Variants in CES4A observed in about 807,000 individuals in gnomAD.
CES4A encodes carboxylesterase 6.
CES4A carries 48 observed loss-of-function variants against 65.4 expected under a neutral mutation model. That is an observed-to-expected ratio of 0.73 (90% CI 0.58 to 0.93). CES4A has a LOEUF of 0.93. CES4A is among the 40% of genes least tolerant of loss of function. The probability of loss-of-function intolerance (pLI) is 0.00; values close to 1 mark genes in which losing one functional copy is unlikely to be tolerated. For missense variants in CES4A, 685 were observed against 728.5 expected, an observed-to-expected ratio of 0.94 and a Z score of 0.69; for synonymous variants, 247 against 281.8, an observed-to-expected ratio of 0.88 and a Z score of 1.24.
intron 2 of CES4A, among the ~76,000 whole-genome samples, chr16:66,996,904 A>C (rs903406478): frequency 3.9e-5 from 6 of 152,134 alleles, no homozygotes; most frequent in Admixed American, 3.3e-4. Flanking sequence ...AAATTTTAAA[A>C]AAATATCTGG....
exon 1 of CES4A, chr16:66,988,814 G>A: frequency 1.3e-6 from 2 of 1,568,270 alleles, no homozygotes; most frequent in Non-Finnish European, 1.7e-6. Flanking sequence ...TCTGCCTGAT[G>A]GCGCAGACGG....
chr16:66,997,410 T>C (rs565666716), intron 2 of CES4A, among the ~76,000 whole-genome samples: 1 of 152,100 alleles, frequency 6.6e-6, no homozygotes, highest in East Asian at 1.9e-4. Context: ...GGGGTGGTGG[T>C]TGGGGTGGGC....
chr16:66,988,759 G>A (rs1964147055), exon 1 of CES4A: 8 of 1,559,966 alleles, frequency 5.1e-6, no homozygotes, highest in Non-Finnish European at 6.1e-6. Context: ...CCCACAGCAG[G>A]AGCTGGCTGG....
intron 2 of CES4A, among the ~76,000 whole-genome samples, chr16:66,997,699 A>T (rs938831790): frequency 6.6e-6 from 1 of 152,146 alleles, no homozygotes; most frequent in African/African-American, 2.4e-5. Context: ...AGCCAGGAGC[A>T]GTGGCTCATG....
In CES4A at chr16:67,000,870, T is replaced by TC; in HGVS notation, c.419dup (p.Gly142ArgfsTer15). The TC allele has an allele frequency of 4.4e-6, 7 of 1,600,668 alleles. No individual in the cohort carries two copies. The highest frequency in any genetic ancestry group is 6.0e-6 in the Non-Finnish European group (7 of 1,173,772). ...TTCTTCGTCCAGGTGATGGTCTGGT[T>TC]CCCGGGAGGCGCCTTCATCGTGGGC... On this transcript the variant is annotated frameshift_variant, in exon 4 of 14. Coordinates refer to ENST00000648724, the Ensembl canonical transcript of CES4A. LOFTEE classifies it high-confidence loss of function. This position sits in a 1 kb window ranked among gnomAD's most constrained non-coding sequence, Gnocchi z 4.2.
exon 14 of CES4A, chr16:67,009,334 C>A: frequency 1.8e-6 from 1 of 544,774 alleles, no homozygotes; most frequent in Non-Finnish European, 3.2e-6. Context: ...CCCTTTCCAG[C>A]CTGACATCCC....
Position 67,003,205 on chromosome 16 carries a change from A to G in CES4A, c.795+31A>G. The G allele has an allele frequency of 1.2e-6, 2 of 1,611,608 alleles. No individual in the cohort carries two copies. Among genetic ancestry groups the G allele is most frequent in the Non-Finnish European group, 1.7e-6 (2 of 1,177,700 alleles). ...TGCCTCTCCTTCCCCAGGGCTCAGCATGGAAGGGCAGGATGGAAGCACCAC... is the reference window on the plus strand; with the variant it reads ...TGCCTCTCCTTCCCCAGGGCTCAGCGTGGAAGGGCAGGATGGAAGCACCAC... On this transcript the variant is annotated intron_variant, in intron 6 of 13. Coordinates refer to ENST00000648724, the Ensembl canonical transcript of CES4A. The surrounding 1 kb of genome is among the most constrained non-coding windows in gnomAD (Gnocchi z 4.2).
At chr16:66,990,090 A>G (rs1354011176) in intron 1 of CES4A, among the ~76,000 whole-genome samples, 1 of 121,072 alleles carries the variant, frequency 8.3e-6, no homozygotes, top group Non-Finnish European at 1.6e-5. Flanking sequence ...TCGCCCTGTC[A>G]CCCAGACTGG....
At chr16:66,991,990 A>T (rs1356049091) in intron 1 of CES4A, among the ~76,000 whole-genome samples, 3 of 152,204 alleles carry the variant, frequency 2.0e-5, no homozygotes, top group Non-Finnish European at 4.4e-5. Flanking sequence ...GAGATAATTT[A>T]AAGTGTTTGG....
chr16:67,009,351 C>T, exon 14 of CES4A: 1 of 522,594 alleles, frequency 1.9e-6, no homozygotes, highest in South Asian at 3.0e-5. Context: ...TCCCATGATG[C>T]CCCTCTACTT....
chr16:66,993,016 CA>C (rs1964514944), intron 1 of CES4A, among the ~76,000 whole-genome samples: 1 of 151,990 alleles, frequency 6.6e-6, no homozygotes, highest in Non-Finnish European at 1.5e-5. Flanking sequence ...GAGGAGGGGG[CA>C]AATAGACAAG....
At chr16:66,998,399 G>A (rs1489480522) in intron 2 of CES4A, among the ~76,000 whole-genome samples, 1 of 152,084 alleles carries the variant, frequency 6.6e-6, no homozygotes, top group East Asian at 1.9e-4. Context: ...ATACCAACCT[G>A]GGCAACATAG....
intron 10 of CES4A, 58 bp from the exon 11 acceptor site, chr16:67,005,182 G>A: frequency 6.3e-7 from 1 of 1,579,774 alleles, no homozygotes; most frequent in Non-Finnish European, 8.7e-7. Context: ...TCACTGGTGG[G>A]CCCACCTCTG....
rs753819728 is a variant in CES4A, at chr16:67,003,036, C to T, written c.691-34C>T. On this transcript the variant is annotated intron_variant, in intron 5 of 13. Transcript: ENST00000648724. The surrounding 1 kb of genome is among the most constrained non-coding windows in gnomAD (Gnocchi z 4.2). ...AACAGCCCAGGTGTCTCTACTTGGG[C>T]ATCTCACGGGTGTATTCCTCCCTGT... The T allele has an allele frequency of 3.1e-5, 49 of 1,564,428 alleles. 1 individual carries two copies. Among genetic ancestry groups the T allele is most frequent in the Admixed American group, 5.0e-5 (3 of 59,934 alleles).
chr16:66,992,913 T>C (rs886870190), intron 1 of CES4A, among the ~76,000 whole-genome samples: 3 of 152,184 alleles, frequency 2.0e-5, no homozygotes, highest in Non-Finnish European at 2.9e-5. Context: ...CTTGAACTCC[T>C]GACCTCAGGT....
chr16:67,003,266 A>T lies in CES4A; in HGVS notation c.806A>T (p.His269Leu), dbSNP rs780773594. ...TTCTTCTCTCTATAGAAGGTTGCCCACCTGGCTGGATGCAACCACAACAGC... is the reference window on the plus strand; with the variant it reads ...TTCTTCTCTCTATAGAAGGTTGCCCTCCTGGCTGGATGCAACCACAACAGC... The change falls in exon 7 of 14, where the codon CAC becomes CTC. Residue 269 changes from histidine (H) to leucine (L), a missense_variant. Transcript: ENST00000648724. The surrounding 1 kb of genome is among the most constrained non-coding windows in gnomAD (Gnocchi z 4.2). The T allele has an allele frequency of 6.2e-7, 1 of 1,614,182 alleles. No individual in the cohort carries two copies. The highest frequency in any genetic ancestry group is 1.1e-5 in the South Asian group (1 of 91,080).
At chr16:67,004,329 C>A in intron 9 of CES4A, 105 bp downstream of exon 9, 1 of 1,256,462 alleles carries the variant, frequency 8.0e-7, no homozygotes, top group Non-Finnish European at 1.1e-6. Flanking sequence ...AGGTCAGATG[C>A]CAGTAGCCCC....
chr16:66,995,708 C>G (rs372106864), exon 2 of CES4A: 11 of 1,614,214 alleles, frequency 6.8e-6, no homozygotes, highest in Non-Finnish European at 9.3e-6. Flanking sequence ...GGGGAAGACA[C>G]CCATCCAAGT....
exon 14 of CES4A, chr16:67,009,484 A>C: frequency 5.1e-6 from 1 of 194,766 alleles, no homozygotes; most frequent in Non-Finnish European, 1.1e-5. Flanking sequence ...TCTCCTTGTG[A>C]CTCCTTCTTA....
Sources: gnomAD v4.1 joint callset for allele counts (sites outside exome capture counted in the v4.1 genomes callset) on GRCh38, gnomAD v4.1.1 for gene constraint, Gnocchi (gnomAD v3.1) non-coding constraint, MANE v1.5 for transcripts, NCBI Gene and HGNC (gene_info 2026-07-23, HGNC 2026-07-21) for gene names.